TYW1B: variants seen among roughly 807,000 people sequenced by gnomAD.
TYW1B encodes tRNA-yW synthesizing protein 1 homolog B, also known as S-adenosyl-L-methionine-dependent tRNA 4-demethylwyosine synthase TYW1B.
A neutral mutation model predicts 86.9 loss-of-function variants in TYW1B; 73 were observed. The observed-to-expected ratio is 0.84, with a 90% CI of 0.70 to 1.02. TYW1B has a LOEUF of 1.02. Ranked by LOEUF, TYW1B falls within the 50% of genes least tolerant of loss-of-function variation. The probability of loss-of-function intolerance (pLI) is 0.00; values close to 1 mark genes in which losing one functional copy is unlikely to be tolerated. For synonymous variants in TYW1B, 248 were observed against 292.8 expected, an observed-to-expected ratio of 0.85 and a Z score of 1.56; for missense variants, 637 against 827.4, an observed-to-expected ratio of 0.77 and a Z score of 2.82.
chr7:72,596,050 C>G (rs1811522686), intron 13 of TYW1B, among the ~76,000 whole-genome samples: 1 of 151,694 alleles, frequency 6.6e-6, no homozygotes, highest in Non-Finnish European at 1.5e-5. Context: ...GTGGCAGGTG[C>G]CTGTAATCCC....
intron 10 of TYW1B, among the ~76,000 whole-genome samples, chr7:72,707,589 TC>T (rs1814643988): frequency 6.6e-6 from 1 of 152,208 alleles, no homozygotes; most frequent in Non-Finnish European, 1.5e-5. Context: ...TTTATTAACC[TC>T]TGTTTTGACA....
At chr7:72,805,897 T>C (rs1157102455) in intron 5 of TYW1B, among the ~76,000 whole-genome samples, 4 of 152,098 alleles carry the variant, frequency 2.6e-5, no homozygotes, top group African/African-American at 9.7e-5. Flanking sequence ...ACTGACCAGG[T>C]GGCCAAAAGA....
chr7:72,700,870 C>A (rs1814449340), intron 10 of TYW1B, among the ~76,000 whole-genome samples: 2 of 152,016 alleles, frequency 1.3e-5, no homozygotes, highest in Non-Finnish European at 1.5e-5. Flanking sequence ...AGTTCAAGAC[C>A]ATCCTGGCCA....
At chr7:72,749,444 C>CCA (rs1311111323) in intron 7 of TYW1B, among the ~76,000 whole-genome samples, 4 of 152,206 alleles carry the variant, frequency 2.6e-5, no homozygotes, top group South Asian at 2.1e-4. Context: ...CAGGCACCCA[C>CCA]CACCAAGCCC....
intron 12 of TYW1B, among the ~76,000 whole-genome samples, chr7:72,627,512 T>TAACATAACATAACATAACAC (rs782405637): frequency 1.1e-4 from 16 of 143,212 alleles, no homozygotes; most frequent in African/African-American, 4.0e-4. Context: ...TAACATAACA[T>TAACATAACATAACATAACAC]AAATAAAATA....
In TYW1B at chr7:72,802,532, A is replaced by G; in HGVS notation, c.724-10T>C. 1 of 1,613,670 alleles carries G rather than the reference A, an allele frequency of 6.2e-7. No individual in the cohort carries two copies. Among genetic ancestry groups the G allele is most frequent in the Non-Finnish European group, 8.5e-7 (1 of 1,179,772 alleles). ...CGAAGGGTTCTTCCTCCTGGAAGAG[A>G]AATGCTTCAGAAATACATTGTTCAA... On this transcript the variant is annotated splice_polypyrimidine_tract_variant and intron_variant, in intron 5 of 13. Coordinates refer to ENST00000620995, the MANE Select transcript of TYW1B (RefSeq NM_001145440.3).
chr7:72,741,431 GA>G (rs1171504529), intron 8 of TYW1B, among the ~76,000 whole-genome samples: 1 of 151,082 alleles, frequency 6.6e-6, no homozygotes, highest in African/African-American at 2.4e-5. Flanking sequence ...TGCCTAAGTA[GA>G]AAAAAAAAGT....
At chr7:72,648,358 C>T (rs1217344750) in intron 11 of TYW1B, among the ~76,000 whole-genome samples, 10 of 151,874 alleles carry the variant, frequency 6.6e-5, no homozygotes, top group African/African-American at 2.4e-4. Flanking sequence ...GCCTGGCCAA[C>T]ATGGTGAAAC....
At chr7:72,786,116 G>C (rs1196306032) in intron 6 of TYW1B, among the ~76,000 whole-genome samples, 1 of 104,272 alleles carries the variant, frequency 9.6e-6, no homozygotes, top group East Asian at 2.8e-4. Context: ...AAAAAAAAAA[G>C]AGAAGAAAAA....
At chr7:72,589,293 G>A (rs186309836) in intron 13 of TYW1B, among the ~76,000 whole-genome samples, 4 of 152,286 alleles carry the variant, frequency 2.6e-5, no homozygotes, top group African/African-American at 4.8e-5. Flanking sequence ...ACTAAGGAAT[G>A]ACACCAGACA....
intron 7 of TYW1B, among the ~76,000 whole-genome samples, chr7:72,761,198 A>T (rs1477724135): frequency 1.5e-4 from 23 of 152,180 alleles, no homozygotes; most frequent in Non-Finnish European, 3.1e-4. Context: ...TAAGATTTTT[A>T]AAATTATGTT....
At chr7:72,767,566 C>A (rs570665768) in intron 7 of TYW1B, among the ~76,000 whole-genome samples, 9 of 152,146 alleles carry the variant, frequency 5.9e-5, no homozygotes, top group African/African-American at 1.9e-4. Context: ...GCTGAGATCA[C>A]ACCACTGCAC....
At chr7:72,637,421 A>G (rs1554440920) in intron 11 of TYW1B, among the ~76,000 whole-genome samples, 1 of 149,326 alleles carries the variant, frequency 6.7e-6, no homozygotes, top group Non-Finnish European at 1.5e-5. Context: ...ATTAATTGGC[A>G]TAAAGTAATT....
chr7:72,602,719 G>A (rs1158634958), intron 13 of TYW1B, among the ~76,000 whole-genome samples: 1 of 152,032 alleles, frequency 6.6e-6, no homozygotes, highest in Non-Finnish European at 1.5e-5. Flanking sequence ...AATTTGTATC[G>A]CTTTCACACT....
intron 7 of TYW1B, among the ~76,000 whole-genome samples, chr7:72,747,723 T>C (rs1383244539): frequency 6.6e-6 from 1 of 152,226 alleles, no homozygotes; most frequent in Non-Finnish European, 1.5e-5. Context: ...CTTATTGGTA[T>C]TTTTGTAAGA....
intron 7 of TYW1B, among the ~76,000 whole-genome samples, chr7:72,754,392 C>A (rs549354566): frequency 6.6e-6 from 1 of 151,864 alleles, no homozygotes; most frequent in African/African-American, 2.4e-5. Context: ...CTGCCCACCT[C>A]GGCCTCCCAC....
At chr7:72,601,952 C>A (rs2129568067) in intron 13 of TYW1B, among the ~76,000 whole-genome samples, 1 of 152,208 alleles carries the variant, frequency 6.6e-6, no homozygotes, top group East Asian at 1.9e-4. Flanking sequence ...GAAAATTATT[C>A]TAAGTGATAC....
At chr7:72,682,962 A>G (rs1813913002) in intron 11 of TYW1B, among the ~76,000 whole-genome samples, 1 of 152,232 alleles carries the variant, frequency 6.6e-6, no homozygotes, top group Admixed American at 6.5e-5. Flanking sequence ...CAGTGAATAT[A>G]CAGGGGGAAA....
intron 9 of TYW1B, among the ~76,000 whole-genome samples, chr7:72,719,042 T>C (rs1786842803): frequency 6.6e-6 from 1 of 152,102 alleles, no homozygotes; most frequent in Non-Finnish European, 1.5e-5. Context: ...TTAAATGAAA[T>C]AAGCTACATG....
Sources: allele counts gnomAD v4.1 joint callset (sites outside exome capture counted in the v4.1 genomes callset), GRCh38; gene constraint gnomAD v4.1.1; transcripts MANE v1.5; gene names NCBI Gene and HGNC (gene_info 2026-07-23, HGNC 2026-07-21).